The following RAB38 variants were observed in gnomAD, a reference collection of about 807,000 sequenced individuals.
The protein encoded by RAB38 is ras-related protein Rab-38.
A neutral mutation model predicts 18.4 loss-of-function variants in RAB38; 15 were observed. The observed-to-expected ratio is 0.82, with a 90% CI of 0.55 to 1.26. RAB38 has a LOEUF of 1.26. RAB38 is among the 50% of genes most tolerant of loss of function. The pLI is 0.00. For missense variants in RAB38, 294 were observed against 267.4 expected (o/e 1.10, Z -0.69); for synonymous variants, 101 against 104.4 (o/e 0.97, Z 0.20).
At chr11:87,902,473 A>G in the RAB38 span, among the ~76,000 whole-genome samples, 1 of 151,396 alleles carries the variant, frequency 6.6e-6, no homozygotes, top group Non-Finnish European at 1.5e-5. Flanking sequence ...TTATTTTGTC[A>G]GTACTGTTTT....
the RAB38 span, among the ~76,000 whole-genome samples, chr11:88,068,502 C>T: frequency 6.6e-6 from 1 of 152,146 alleles, no homozygotes; most frequent in Non-Finnish European, 1.5e-5. Flanking sequence ...TTTCTGACCC[C>T]TATGAGAAGT....
At chr11:88,052,976 T>A in the RAB38 span, among the ~76,000 whole-genome samples, 1 of 122,134 alleles carries the variant, frequency 8.2e-6, no homozygotes, top group South Asian at 2.3e-4. Flanking sequence ...GATATATATG[T>A]TATATATATG....
chr11:88,026,806 G>T, the RAB38 span, among the ~76,000 whole-genome samples: 2 of 152,094 alleles, frequency 1.3e-5, no homozygotes, highest in Non-Finnish European at 2.9e-5. Flanking sequence ...TCATTAATTG[G>T]TACTAAAATC....
At chr11:88,144,236 T>C (rs1236005734) in intron 2 of RAB38, among the ~76,000 whole-genome samples, 1 of 152,208 alleles carries the variant, frequency 6.6e-6, no homozygotes, top group African/African-American at 2.4e-5. Context: ...TCAGATCAGC[T>C]AAAAATACAG....
At chr11:88,031,213 T>C in the RAB38 span, among the ~76,000 whole-genome samples, 362 of 152,312 alleles carry the variant, frequency 2.4e-3, 1 homozygote, top group Middle Eastern at 6.8e-3. Flanking sequence ...AAATTAGATA[T>C]TGATGGGACG....
chr11:88,044,184 G>C, the RAB38 span, among the ~76,000 whole-genome samples: 1 of 152,204 alleles, frequency 6.6e-6, no homozygotes, highest in East Asian at 1.9e-4. Context: ...AGGGACACCT[G>C]CCTGATTATT....
At chr11:87,864,912 A>T in the RAB38 span, among the ~76,000 whole-genome samples, 1 of 151,836 alleles carries the variant, frequency 6.6e-6, no homozygotes, top group East Asian at 1.9e-4. Flanking sequence ...TTAGCAGAAC[A>T]TCTATCCAGC....
the RAB38 span, among the ~76,000 whole-genome samples, chr11:88,096,995 C>T: frequency 1.3e-5 from 2 of 151,754 alleles, no homozygotes; most frequent in Admixed American, 1.3e-4. Context: ...ACACTTCTAC[C>T]TGTGAACATT....
At chr11:88,077,926 A>AT in the RAB38 span, among the ~76,000 whole-genome samples, 3 of 152,090 alleles carry the variant, frequency 2.0e-5, no homozygotes, top group Non-Finnish European at 4.4e-5. Flanking sequence ...TAACCAGAAT[A>AT]TAGAGAATAT....
the RAB38 span, among the ~76,000 whole-genome samples, chr11:88,066,617 G>C: frequency 2.6e-5 from 4 of 152,026 alleles, no homozygotes; most frequent in African/African-American, 7.2e-5. Flanking sequence ...TAGGTGTAGG[G>C]GCCATGCACT....
chr11:88,164,916 A>C (rs2134850440), intron 1 of RAB38, among the ~76,000 whole-genome samples: 1 of 152,166 alleles, frequency 6.6e-6, no homozygotes, highest in East Asian at 1.9e-4. Context: ...CAAGCACTAC[A>C]GCTATTCTTA....
chr11:88,039,002 C>T, the RAB38 span, among the ~76,000 whole-genome samples: 1 of 152,054 alleles, frequency 6.6e-6, no homozygotes, highest in Admixed American at 6.6e-5. Context: ...GTAGAGTAGA[C>T]AAACTTCAGA....
the RAB38 span, among the ~76,000 whole-genome samples, chr11:87,935,371 A>C: frequency 6.6e-6 from 1 of 151,640 alleles, no homozygotes; most frequent in African/African-American, 2.4e-5. Flanking sequence ...CAAAATTATT[A>C]TTTTCTATAA....
the RAB38 span, among the ~76,000 whole-genome samples, chr11:87,920,190 GC>G: frequency 6.6e-6 from 1 of 151,382 alleles, no homozygotes; most frequent in Non-Finnish European, 1.5e-5. Flanking sequence ...CTAATTTTCA[GC>G]TCAGTTTATT....
chr11:88,161,950 G>A (rs1472605874), intron 1 of RAB38, among the ~76,000 whole-genome samples: 3 of 152,058 alleles, frequency 2.0e-5, no homozygotes, highest in Non-Finnish European at 4.4e-5. Flanking sequence ...GGGAGTAACA[G>A]TGTGGAAAAC....
the RAB38 span, among the ~76,000 whole-genome samples, chr11:88,104,714 C>T: frequency 6.6e-6 from 1 of 152,092 alleles, no homozygotes; most frequent in Non-Finnish European, 1.5e-5. Context: ...TGATTGAGCA[C>T]TATTTCATTT....
chr11:87,887,186 A>G, the RAB38 span, among the ~76,000 whole-genome samples: 1 of 151,948 alleles, frequency 6.6e-6, no homozygotes, highest in Non-Finnish European at 1.5e-5. Context: ...GAGGCTAAGT[A>G]ACTTTTCCAA....
At chr11:87,891,226 A>G in the RAB38 span, among the ~76,000 whole-genome samples, 2 of 152,028 alleles carry the variant, frequency 1.3e-5, no homozygotes, top group African/African-American at 4.8e-5. Context: ...CTTGCTTGTC[A>G]TCATTGCTAA....
the RAB38 span, among the ~76,000 whole-genome samples, chr11:87,942,651 A>G: frequency 2.0e-5 from 3 of 152,156 alleles, no homozygotes; most frequent in Non-Finnish European, 2.9e-5. Flanking sequence ...ATTATCATTT[A>G]TAATAGACTA....
Sources: gnomAD v4.1 joint callset for allele counts (sites outside exome capture counted in the v4.1 genomes callset) on GRCh38, gnomAD v4.1.1 for gene constraint, MANE v1.5 for transcripts, NCBI Gene and HGNC (gene_info 2026-07-23, HGNC 2026-07-21) for gene names.